The following TMPRSS15 variants were observed in gnomAD, a reference collection of about 807,000 sequenced individuals.
TMPRSS15 encodes enteropeptidase.
A neutral mutation model predicts 125.3 loss-of-function variants in TMPRSS15; 128 were observed. The observed-to-expected ratio is 1.02, with a 90% CI of 0.89 to 1.18. TMPRSS15 has a LOEUF of 1.18. Ranked by LOEUF, TMPRSS15 falls within the 50% of genes most tolerant of loss-of-function variation. TMPRSS15 has a pLI of 0.00. For missense variants in TMPRSS15, 1,283 were observed against 1,212.7 expected (o/e 1.06, Z -0.86); for synonymous variants, 446 against 423.2 (o/e 1.05, Z -0.66).
intron 1 of TMPRSS15, among the ~76,000 whole-genome samples, chr21:18,478,487 A>T (rs1978921193): frequency 6.6e-6 from 1 of 152,010 alleles, no homozygotes; most frequent in African/African-American, 2.4e-5. Context: ...ACCTCACAGT[A>T]CCCTGGTATA....
At chr21:18,419,798 G>A (rs1289125979) in intron 1 of TMPRSS15, among the ~76,000 whole-genome samples, 1 of 152,096 alleles carries the variant, frequency 6.6e-6, no homozygotes. Context: ...GACTGTTTTT[G>A]GATAAAGAAA....
intron 6 of TMPRSS15, among the ~76,000 whole-genome samples, chr21:18,365,470 CTT>C (rs1310154991): frequency 1.3e-5 from 2 of 151,658 alleles, no homozygotes; most frequent in African/African-American, 4.8e-5. Context: ...CTCTCTCTCT[CTT>C]TCTCTCTTTC....
chr21:18,399,868 TG>T (rs1390971219), intron 1 of TMPRSS15, among the ~76,000 whole-genome samples: 1 of 152,088 alleles, frequency 6.6e-6, no homozygotes, highest in Non-Finnish European at 1.5e-5. Flanking sequence ...AACTGATAAA[TG>T]ACTTCAGCAA....
At chr21:18,278,936 T>G (rs1353461541) in intron 23 of TMPRSS15, 28 bp downstream of exon 23, 2 of 922,998 alleles carry the variant, frequency 2.2e-6, no homozygotes, top group Non-Finnish European at 3.2e-6. Context: ...TTTTTTTTTT[T>G]TTTTTTTTTT....
intron 9 of TMPRSS15, 112 bp downstream of exon 9, chr21:18,353,611 A>T: frequency 1.1e-6 from 1 of 899,926 alleles, no homozygotes. Flanking sequence ...CACATACAAG[A>T]TACTCATTAT....
intron 1 of TMPRSS15, among the ~76,000 whole-genome samples, chr21:18,456,787 A>C (rs528896748): frequency 1.3e-5 from 2 of 152,234 alleles, no homozygotes; most frequent in East Asian, 3.9e-4. Context: ...CTTGATACAT[A>C]TGTTCAAACT....
At chr21:18,480,666 T>G (rs1175236662) in intron 1 of TMPRSS15, among the ~76,000 whole-genome samples, 1 of 151,816 alleles carries the variant, frequency 6.6e-6, no homozygotes, top group Non-Finnish European at 1.5e-5. Flanking sequence ...CCTGCATGAT[T>G]TATTTGTCAG....
At position 18,397,925 on chromosome 21, in the gene TMPRSS15, T is replaced by G; in HGVS notation, c.298A>C (p.Ser100Arg). 6.5e-7 allele frequency: 1 copy of G among 1,544,620 alleles called. No homozygotes were observed. Among genetic ancestry groups the G allele is most frequent in the Non-Finnish European group, 8.9e-7 (1 of 1,126,442 alleles). ...TTCTTATATTCATTCTTCAGATTGC[T>G]TGATAGAAAGATCTCATCTATCTAG... Reference protein sequence around the residue: ...QQMIDEIFLSSNLKNEYKNSR... With the variant: ...QQMIDEIFLSRNLKNEYKNSR... Residue 100 changes from serine to arginine, a missense_variant, in exon 3 of 25, where the codon AGC becomes CGC. Coordinates refer to ENST00000284885, the MANE Select transcript of TMPRSS15 (RefSeq NM_002772.3).
At chr21:18,468,917 A>G (rs1176058698) in intron 1 of TMPRSS15, among the ~76,000 whole-genome samples, 1 of 152,206 alleles carries the variant, frequency 6.6e-6, no homozygotes, top group Non-Finnish European at 1.5e-5. Context: ...AAGCAAAACA[A>G]AATGTGGAGT....
In TMPRSS15 at chr21:18,343,538, G is replaced by T. The variant is rs200407714; in HGVS notation, c.1396C>A (p.Gln466Lys). ...TTAACTGTTTCATTTAGGGTTACTT[G>T]TCCATAATTCCAATTGTCTCCATAA... ...GNYGDNWNYG[Q>K]VTLNETVKFK... The change falls in exon 12 of 25, where the codon CAA (glutamine) becomes AAA (lysine). Residue 466 changes from glutamine (Q) to lysine (K), a missense_variant. Transcript: ENST00000284885. 60 of 1,612,480 alleles carry T rather than the reference G, an allele frequency of 3.7e-5. No individual in the cohort carries two copies. Among genetic ancestry groups the T allele is most frequent in the Non-Finnish European group, 4.8e-5 (57 of 1,178,822 alleles).
chr21:18,369,025 G>GT (rs1448239514), intron 6 of TMPRSS15, among the ~76,000 whole-genome samples: 1 of 152,092 alleles, frequency 6.6e-6, no homozygotes, highest in Non-Finnish European at 1.5e-5. Flanking sequence ...TTGTGGATGA[G>GT]TAGGATGACT....
intron 1 of TMPRSS15, among the ~76,000 whole-genome samples, chr21:18,412,387 G>A (rs116129988): frequency 5.6e-4 from 86 of 152,256 alleles, no homozygotes; most frequent in African/African-American, 2.0e-3. Flanking sequence ...ATTCCAGGAA[G>A]CTTGTTCTGT....
intron 3 of TMPRSS15, among the ~76,000 whole-genome samples, chr21:18,385,100 AT>A (rs1402983829): frequency 1.3e-5 from 2 of 152,158 alleles, no homozygotes; most frequent in Non-Finnish European, 2.9e-5. Flanking sequence ...TTGATATAAT[AT>A]TTTTATAATT....
At chr21:18,388,740 T>C (rs1348700801) in intron 3 of TMPRSS15, among the ~76,000 whole-genome samples, 1 of 152,178 alleles carries the variant, frequency 6.6e-6, no homozygotes, top group African/African-American at 2.4e-5. Flanking sequence ...CACCACAACG[T>C]AGACAAATAG....
chr21:18,308,437 C>A, intron 18 of TMPRSS15, among the ~76,000 whole-genome samples: 1 of 151,526 alleles, frequency 6.6e-6, no homozygotes, highest in Admixed American at 6.6e-5. Flanking sequence ...GACTAATATG[C>A]ATAAACCAAA....
intron 1 of TMPRSS15, among the ~76,000 whole-genome samples, chr21:18,480,341 G>A (rs1978960023): frequency 6.6e-6 from 1 of 151,824 alleles, no homozygotes; most frequent in Admixed American, 6.6e-5. Context: ...GTTCTCTTAG[G>A]TGGTGCTGTA....
At chr21:18,426,851 T>A (rs536453867) in intron 1 of TMPRSS15, among the ~76,000 whole-genome samples, 1 of 152,350 alleles carries the variant, frequency 6.6e-6, no homozygotes, top group Non-Finnish European at 1.5e-5. Context: ...TCTTCCTAGA[T>A]GACGCACATG....
chr21:18,463,636 C>A (rs1201625170), intron 1 of TMPRSS15, among the ~76,000 whole-genome samples: 1 of 152,140 alleles, frequency 6.6e-6, no homozygotes. Context: ...CCCAAATCAA[C>A]AAAATATACA....
At chr21:18,293,637 C>T (rs1444081843) in intron 21 of TMPRSS15, among the ~76,000 whole-genome samples, 1 of 152,208 alleles carries the variant, frequency 6.6e-6, no homozygotes, top group Non-Finnish European at 1.5e-5. Flanking sequence ...TCCATCCACT[C>T]TGTTCTCTCC....
Sources: allele counts gnomAD v4.1 joint callset (sites outside exome capture counted in the v4.1 genomes callset), GRCh38; gene constraint gnomAD v4.1.1; transcripts MANE v1.5; gene names NCBI Gene and HGNC (gene_info 2026-07-23, HGNC 2026-07-21).